Variants in KAZN observed in about 807,000 individuals in gnomAD.
The protein encoded by KAZN is kazrin, periplakin interacting protein, also known as kazrin.
A neutral mutation model predicts 87.4 loss-of-function variants in KAZN; 40 were observed. The ratio of observed to expected loss-of-function variants is 0.46; its 90% CI spans 0.36 to 0.60. The LOEUF (loss-of-function observed/expected upper bound fraction) is 0.60. KAZN is among the 20% of genes least tolerant of loss of function. KAZN has a pLI of 0.00. For missense variants in KAZN, 898 were observed against 1,073.9 expected (o/e 0.84, Z 2.29); for synonymous variants, 466 against 458.3 (o/e 1.02, Z -0.22).
chr1:14,926,158 C>T (rs1659148676), intron 1 of KAZN, among the ~76,000 whole-genome samples: 1 of 152,180 alleles, frequency 6.6e-6, no homozygotes, highest in South Asian at 2.1e-4. Flanking sequence ...TAGATTGTGG[C>T]GCTCTCTGCT....
intron 1 of KAZN, chr1:14,924,450 C>T: frequency 1.0e-6 from 1 of 988,646 alleles, no homozygotes; most frequent in Non-Finnish European, 1.2e-6. Context: ...GGGGCGGGGG[C>T]CGGGCCCGCG....
chr1:14,987,619 C>T (rs992137713), intron 2 of KAZN, among the ~76,000 whole-genome samples: 5 of 152,118 alleles, frequency 3.3e-5, no homozygotes, highest in South Asian at 2.1e-4. Flanking sequence ...GAATGAGCTT[C>T]GCGTATGTTG....
intron 1 of KAZN, among the ~76,000 whole-genome samples, chr1:14,957,246 A>G (rs1663227034): frequency 6.6e-6 from 1 of 152,122 alleles, no homozygotes; most frequent in Non-Finnish European, 1.5e-5. Context: ...TCCATGGCAT[A>G]TGAGATTTGG....
At chr1:14,693,627 G>A (rs548235971) in intron 1 of KAZN, among the ~76,000 whole-genome samples, 36 of 152,160 alleles carry the variant, frequency 2.4e-4, no homozygotes, top group African/African-American at 5.6e-4. Flanking sequence ...TCCATAAACC[G>A]TCTGTGGGAT....
chr1:15,053,835 T>C (rs1418812864), intron 4 of KAZN, among the ~76,000 whole-genome samples: 1 of 152,358 alleles, frequency 6.6e-6, no homozygotes, highest in Admixed American at 6.5e-5. Context: ...CAAGCCAGGT[T>C]GGCGGGGCAA....
At chr1:14,082,175 A>G (rs3817952) in intron 1 of KAZN, among the ~76,000 whole-genome samples, 15,140 of 152,190 alleles carry the variant, frequency 0.099, 932 homozygotes, top group East Asian at 0.13. Flanking sequence ...ATTCAATAAT[A>G]TGAATGTATT....
intron 6 of KAZN, chr1:15,060,772 C>T (rs1638724678): frequency 6.3e-6 from 1 of 159,458 alleles, no homozygotes; most frequent in African/African-American, 2.4e-5. Flanking sequence ...TTTCATCAAA[C>T]ACTTTTTGAT....
chr1:14,701,385 C>T (rs1317998853), intron 1 of KAZN, among the ~76,000 whole-genome samples: 3 of 152,134 alleles, frequency 2.0e-5, no homozygotes, highest in Admixed American at 6.5e-5. Flanking sequence ...CCTGCCTTGA[C>T]CTCCCAAAGT....
In KAZN at chr1:14,526,909, T is replaced by A. The variant is rs187271814; in HGVS notation, c.250-72074T>A. Among the ~76,000 whole-genome samples the A allele has an allele frequency of 2.0e-5, 3 of 152,314 alleles. No individual in the cohort carries two copies. The East Asian group carries it at 5.8e-4, about 29-fold the overall frequency. On this transcript the variant is annotated intron_variant, in intron 2 of 16. Transcript: ENST00000636203. ...CAACAGGACAGGCCACCAGAGGAGA[T>A]GTTATAGTGCGGAGTTCTTGCTAAC...
chr1:14,679,097 C>T (rs1640414990), intron 1 of KAZN, among the ~76,000 whole-genome samples: 1 of 152,162 alleles, frequency 6.6e-6, no homozygotes, highest in African/African-American at 2.4e-5. Context: ...TGGAATTTTG[C>T]CTTTATTCGG....
At chr1:13,960,350 G>A (rs778141564) in intron 1 of KAZN, among the ~76,000 whole-genome samples, 8 of 152,110 alleles carry the variant, frequency 5.3e-5, no homozygotes, top group Non-Finnish European at 1.0e-4. Flanking sequence ...ATTCTAACCC[G>A]GACAGCCCAA....
chr1:14,514,578 A>C (rs1342958742), intron 2 of KAZN, among the ~76,000 whole-genome samples: 2 of 119,268 alleles, frequency 1.7e-5, no homozygotes, highest in East Asian at 5.1e-4. Flanking sequence ...TATATATTTT[A>C]TATATTTTTT....
chr1:14,283,849 A>T (rs1653035418), intron 2 of KAZN, among the ~76,000 whole-genome samples: 1 of 152,212 alleles, frequency 6.6e-6, no homozygotes, highest in Non-Finnish European at 1.5e-5. Context: ...GAGTGGAAAC[A>T]ACCCAAAGTC....
intron 2 of KAZN, among the ~76,000 whole-genome samples, chr1:15,008,153 G>T (rs1669223673): frequency 6.6e-6 from 1 of 152,306 alleles, no homozygotes; most frequent in East Asian, 1.9e-4. Context: ...AGCTCAGCCC[G>T]AAGCTTATCT....
Position 15,039,803 on chromosome 1 carries a change from G to A in KAZN, c.556-4186G>A, listed in dbSNP as rs144370549. On this transcript the variant is annotated intron_variant, in intron 3 of 14. Coordinates refer to ENST00000376030, the MANE Select transcript of KAZN (RefSeq NM_201628.3). ...GGGCATCCCCCAAGTCTGACCAGCCGCTGGGGTGGGGTTGACGCTACTCAA... is the reference window on the plus strand; with the variant it reads ...GGGCATCCCCCAAGTCTGACCAGCCACTGGGGTGGGGTTGACGCTACTCAA... Among the ~76,000 whole-genome samples the A allele has an allele frequency of 2.8e-3, 421 of 152,222 alleles. 1 individual carries two copies. Among genetic ancestry groups the A allele is most frequent in the African/African-American group, 9.8e-3 (407 of 41,534 alleles).
chr1:14,878,308 G>T lies in KAZN; in HGVS notation c.227-82376G>T, dbSNP rs181811284. On this transcript the variant is annotated intron_variant, in intron 1 of 14. Transcript: ENST00000376030. The stretch of plus-strand genomic sequence containing the variant: ...TGGAGTTAAACATTAACAGTTCTTT[G>T]GGGGGGTGGCTGTCCTGTGCATTGT... Among the ~76,000 whole-genome samples the T allele has an allele frequency of 5.4e-4, 75 of 139,260 alleles. 1 individual carries two copies. Among genetic ancestry groups the T allele is most frequent in the African/African-American group, 1.7e-3 (69 of 39,520 alleles). 91.4% of individuals were successfully genotyped at this position (139,260 alleles called of 152,430 possible). A position where few individuals can be genotyped will look rare whatever the true frequency, so the allele number is the denominator to read the frequency against.
intron 2 of KAZN, among the ~76,000 whole-genome samples, chr1:14,278,295 T>C (rs1432881796): frequency 6.7e-6 from 1 of 149,668 alleles, no homozygotes; most frequent in Non-Finnish European, 1.5e-5. Context: ...TGATTCCTTT[T>C]TTTTTTTTTT....
At chr1:14,284,318 G>A (rs540967923) in intron 2 of KAZN, among the ~76,000 whole-genome samples, 2 of 152,124 alleles carry the variant, frequency 1.3e-5, no homozygotes, top group African/African-American at 2.4e-5. Flanking sequence ...AGAGGAAAAC[G>A]AAATGGAAGT....
intron 1 of KAZN, among the ~76,000 whole-genome samples, chr1:14,663,842 A>C (rs1172236463): frequency 6.6e-6 from 1 of 152,222 alleles, no homozygotes; most frequent in Non-Finnish European, 1.5e-5. Context: ...AATGGAAAGC[A>C]GGGTCTTGAA....
Sources: gnomAD v4.1 joint callset for allele counts (sites outside exome capture counted in the v4.1 genomes callset) on GRCh38, gnomAD v4.1.1 for gene constraint, MANE v1.5 for transcripts, NCBI Gene and HGNC (gene_info 2026-07-23, HGNC 2026-07-21) for gene names.